The following NRXN3 variants were observed in gnomAD, a reference collection of about 807,000 sequenced individuals.
NRXN3 encodes neurexin III.
Under a neutral mutation model 137.6 loss-of-function variants are expected in NRXN3, and 32 were observed. That is an observed-to-expected ratio of 0.23 (90% confidence interval 0.18 to 0.31). The LOEUF (loss-of-function observed/expected upper bound fraction) is 0.31. NRXN3 is among the 10% of genes least tolerant of loss of function. NRXN3 has a pLI of 1.00. For missense variants in NRXN3, 1,574 were observed against 2,062.5 expected, an observed-to-expected ratio of 0.76 and a Z score of 4.59; for synonymous variants, 798 against 784.5, an observed-to-expected ratio of 1.02 and a Z score of -0.29.
At chr14:79,501,475 T>C (rs2096825846) in intron 16 of NRXN3, among the ~76,000 whole-genome samples, 1 of 152,200 alleles carries the variant, frequency 6.6e-6, no homozygotes, top group Non-Finnish European at 1.5e-5. Flanking sequence ...TGATGAAGCT[T>C]ACTTTGGCAT....
At chr14:78,848,033 G>C (rs1376048606) in intron 10 of NRXN3, among the ~76,000 whole-genome samples, 1 of 152,056 alleles carries the variant, frequency 6.6e-6, no homozygotes, top group African/African-American at 2.4e-5. Context: ...CTCTGGCTAA[G>C]AACTTATCTG....
chr14:79,358,607 G>GAAAGAGAGAGAAAGAAAGAA (rs10667477), intron 15 of NRXN3, among the ~76,000 whole-genome samples: 3 of 79,944 alleles, frequency 3.8e-5, no homozygotes, highest in Non-Finnish European at 7.7e-5. Flanking sequence ...AAGAAAGAAA[G>GAAAGAGAGAGAAAGAAAGAA]AGAAAGAAAG....
At chr14:79,219,405 C>T (rs559642503) in intron 15 of NRXN3, among the ~76,000 whole-genome samples, 10 of 152,148 alleles carry the variant, frequency 6.6e-5, no homozygotes, top group Admixed American at 1.3e-4. Flanking sequence ...GTTGGGATTA[C>T]AGGTGTCAAC....
chr14:78,693,673 G>A (rs1437790142), intron 6 of NRXN3, among the ~76,000 whole-genome samples: 8 of 140,114 alleles, frequency 5.7e-5, no homozygotes, highest in African/African-American at 2.0e-4. Context: ...GTGTGTGTGT[G>A]TGTGTGTGTG....
intron 4 of NRXN3, among the ~76,000 whole-genome samples, chr14:78,499,343 C>T (rs1177836504): frequency 1.3e-5 from 2 of 152,022 alleles, no homozygotes; most frequent in Admixed American, 6.6e-5. Flanking sequence ...CATCATTTTC[C>T]CTAAACCTAA....
chr14:78,455,008 T>C (rs1410192039), intron 4 of NRXN3, among the ~76,000 whole-genome samples: 4 of 152,198 alleles, frequency 2.6e-5, no homozygotes, highest in Non-Finnish European at 2.9e-5. Context: ...TCCTTGGCCT[T>C]GATGCTCACC....
intron 16 of NRXN3, among the ~76,000 whole-genome samples, chr14:79,619,381 T>A (rs969097776): frequency 6.6e-6 from 1 of 152,078 alleles, no homozygotes; most frequent in Non-Finnish European, 1.5e-5. Context: ...AATATTTGTA[T>A]ATGGTGAGAG....
At chr14:79,281,897 G>A (rs1009040140) in intron 15 of NRXN3, 1 of 152,180 alleles carries the variant, frequency 6.6e-6, no homozygotes, top group African/African-American at 2.4e-5. Flanking sequence ...GCTTTATGCT[G>A]TCTGTAGTGT....
rs113445251 is a variant in NRXN3 at position 78,900,443 on chromosome 14, C to CTT, written c.2276-56788_2276-56787dup. Among the ~76,000 whole-genome samples, 40 of 142,476 alleles carry CTT rather than the reference C, an allele frequency of 2.8e-4. No individual in the cohort carries two copies. In the East Asian group the frequency reaches 7.2e-3, roughly 26 times the overall value. The allele number at this position is 142,476 out of a possible 152,430, so 93.5% of individuals were successfully genotyped here. On this transcript the variant is annotated intron_variant, in intron 10 of 20. Transcript: ENST00000335750. Reference sequence around the variant, plus strand: ...GGCAGCAACCTCCTTCATTTTTTTTCTTTTTTTTTTTTCACTATCTATCAT... The same window carrying CTT: ...GGCAGCAACCTCCTTCATTTTTTTTCTTTTTTTTTTTTTTCACTATCTATCAT...
chr14:78,702,580 G>A (rs1228511692), intron 6 of NRXN3, among the ~76,000 whole-genome samples: 1 of 151,724 alleles, frequency 6.6e-6, no homozygotes, highest in Non-Finnish European at 1.5e-5. Context: ...GAGTAGCTGG[G>A]ATTACAGGCA....
chr14:79,228,443 G>T (rs745857053), intron 15 of NRXN3, among the ~76,000 whole-genome samples: 2 of 152,120 alleles, frequency 1.3e-5, no homozygotes, highest in Non-Finnish European at 2.9e-5. Context: ...AGCAACAAAT[G>T]CAACAGATGT....
intron 20 of NRXN3, among the ~76,000 whole-genome samples, chr14:79,827,823 T>C (rs1229443716): frequency 6.6e-6 from 1 of 152,000 alleles, no homozygotes; most frequent in Non-Finnish European, 1.5e-5. Context: ...GCCTCCCCAG[T>C]AGCTGGGATT....
At chr14:79,350,626 GT>G (rs1024803743) in intron 15 of NRXN3, among the ~76,000 whole-genome samples, 4 of 151,904 alleles carry the variant, frequency 2.6e-5, no homozygotes, top group South Asian at 4.2e-4. Flanking sequence ...GTTTTCATAG[GT>G]TTTTTTTAGT....
intron 4 of NRXN3, among the ~76,000 whole-genome samples, chr14:78,626,317 A>G (rs946602426): frequency 2.0e-5 from 3 of 152,198 alleles, no homozygotes; most frequent in Admixed American, 6.5e-5. Context: ...CTGTGTCAAT[A>G]TAGTTTGTGT....
At chr14:78,720,819 T>C (rs2098456377) in intron 8 of NRXN3, among the ~76,000 whole-genome samples, 1 of 152,234 alleles carries the variant, frequency 6.6e-6, no homozygotes, top group African/African-American at 2.4e-5. Flanking sequence ...TAAATAGCTT[T>C]AGTTTCAGTG....
intron 4 of NRXN3, among the ~76,000 whole-genome samples, chr14:78,603,850 C>T (rs2097222033): frequency 6.6e-6 from 1 of 152,136 alleles, no homozygotes; most frequent in African/African-American, 2.4e-5. Flanking sequence ...GTTGTTGGCA[C>T]CGACAGTCAC....
chr14:78,652,679 C>A (rs2097756444), intron 6 of NRXN3, among the ~76,000 whole-genome samples: 2 of 152,232 alleles, frequency 1.3e-5, no homozygotes, highest in East Asian at 3.8e-4. Context: ...TCCATGCATT[C>A]ATTCATGCCA....
chr14:78,360,094 C>T (rs1386200977), intron 4 of NRXN3, among the ~76,000 whole-genome samples: 3 of 152,186 alleles, frequency 2.0e-5, no homozygotes, highest in African/African-American at 4.8e-5. Flanking sequence ...CAGCTTAGCT[C>T]GCAACACCCC....
intron 4 of NRXN3, among the ~76,000 whole-genome samples, chr14:78,380,254 T>C (rs536867137): frequency 6.9e-6 from 1 of 145,392 alleles, no homozygotes; most frequent in South Asian, 2.2e-4. Context: ...CGAGCCGAGA[T>C]TGCGCCACTG....
Sources: allele counts gnomAD v4.1 joint callset (sites outside exome capture counted in the v4.1 genomes callset), GRCh38; gene constraint gnomAD v4.1.1; transcripts MANE v1.5; gene names NCBI Gene and HGNC (gene_info 2026-07-23, HGNC 2026-07-21).